SPOCK3: variants seen among roughly 807,000 people sequenced by gnomAD.
SPOCK3 encodes SPARC (osteonectin), cwcv and kazal like domains proteoglycan 3, also known as testican-3.
A neutral mutation model predicts 56.6 loss-of-function variants in SPOCK3; 30 were observed. The observed-to-expected ratio is 0.53, with a 90% CI of 0.40 to 0.72. The LOEUF (loss-of-function observed/expected upper bound fraction) is 0.72. Among genes scored for constraint, SPOCK3 ranks in the 30% least tolerant of loss-of-function variants. SPOCK3 has a pLI of 0.00. For synonymous variants in SPOCK3, 196 were observed against 183.3 expected (o/e 1.07, Z -0.56); for missense variants, 527 against 530.0 (o/e 0.99, Z 0.06).
At chr4:167,168,142 A>C (rs1402830342) in intron 2 of SPOCK3, among the ~76,000 whole-genome samples, 1 of 152,170 alleles carries the variant, frequency 6.6e-6, no homozygotes, top group Non-Finnish European at 1.5e-5. Context: ...TCTTTCCTTT[A>C]TAAATTACCC....
Position 167,106,803 on chromosome 4 carries a change from G to C in SPOCK3, c.190-44266C>G, listed in dbSNP as rs565442273. ...CAGAAGACCCAAGTAAATAAAATCA[G>C]AGATGAACAGGGAGCCATTACAATT... On this transcript the variant is annotated intron_variant, in intron 2 of 10. Transcript: ENST00000357545. Among the ~76,000 whole-genome samples the C allele has an allele frequency of 4.1e-5, 6 of 147,874 alleles. No individual in the cohort carries two copies. The South Asian group carries it at 8.5e-4, about 21-fold the overall frequency.
intron 4 of SPOCK3, among the ~76,000 whole-genome samples, chr4:166,977,579 T>C (rs1464780977): frequency 6.6e-6 from 1 of 152,162 alleles, no homozygotes. Flanking sequence ...GTTACTTTCA[T>C]AGTAATGTGT....
At chr4:167,072,480 A>T (rs1756774676) in intron 2 of SPOCK3, among the ~76,000 whole-genome samples, 2 of 151,938 alleles carry the variant, frequency 1.3e-5, no homozygotes, top group African/African-American at 4.8e-5. Context: ...CTTCACCCAC[A>T]AAAGAAGGCT....
intron 7 of SPOCK3, among the ~76,000 whole-genome samples, chr4:166,790,420 G>A (rs1433147800): frequency 1.3e-5 from 2 of 152,150 alleles, no homozygotes; most frequent in African/African-American, 4.8e-5. Context: ...GAGGGACCCA[G>A]CCATTTCTTG....
intron 2 of SPOCK3, among the ~76,000 whole-genome samples, chr4:167,120,897 A>G (rs1358168816): frequency 1.3e-5 from 2 of 151,968 alleles, no homozygotes; most frequent in Non-Finnish European, 2.9e-5. Flanking sequence ...CAATTCCAAC[A>G]TTGGGTAACA....
chr4:167,208,120 C>T (rs1734529130), intron 2 of SPOCK3, among the ~76,000 whole-genome samples: 1 of 151,992 alleles, frequency 6.6e-6, no homozygotes, highest in Non-Finnish European at 1.5e-5. Flanking sequence ...GCCAATGAAA[C>T]CTCTTCTATA....
chr4:167,046,818 G>C (rs1753777220), intron 3 of SPOCK3, among the ~76,000 whole-genome samples: 2 of 151,954 alleles, frequency 1.3e-5, no homozygotes, highest in African/African-American at 4.8e-5. Flanking sequence ...TACACAATGA[G>C]CATGAAATAA....
intron 2 of SPOCK3, among the ~76,000 whole-genome samples, chr4:167,123,939 G>T (rs1009955556): frequency 6.6e-6 from 1 of 151,752 alleles, no homozygotes; most frequent in African/African-American, 2.4e-5. Context: ...TACAGACAGG[G>T]TTTCACCATG....
chr4:167,222,742 TA>T (rs1170011252), intron 2 of SPOCK3, among the ~76,000 whole-genome samples: 4 of 129,960 alleles, frequency 3.1e-5, no homozygotes, highest in African/African-American at 1.2e-4. Flanking sequence ...TATAAATATA[TA>T]AACATAGATA....
At position 167,096,225 on chromosome 4, in the gene SPOCK3, G is replaced by A. The variant is rs535659967; in HGVS notation, c.190-33688C>T. ...TCAGTGCAATCAAAATCAAAATCCC[G>A]CAAACTATATTTTAATAAACTTTAT... On this transcript the variant is annotated intron_variant, in intron 2 of 10. Transcript: ENST00000357545. Among the ~76,000 whole-genome samples the A allele has an allele frequency of 1.7e-4, 26 of 151,806 alleles. No individual in the cohort carries two copies. The South Asian group carries it at 1.9e-3, about 11-fold the overall frequency.
intron 6 of SPOCK3, among the ~76,000 whole-genome samples, chr4:166,843,971 G>A (rs1357458294): frequency 6.6e-6 from 1 of 152,128 alleles, no homozygotes; most frequent in East Asian, 1.9e-4. Flanking sequence ...CCCAGATTAC[G>A]TTGCGCTAAT....
intron 5 of SPOCK3, among the ~76,000 whole-genome samples, chr4:166,904,293 A>C (rs1579598213): frequency 6.6e-6 from 1 of 152,010 alleles, no homozygotes; most frequent in Admixed American, 6.6e-5. Context: ...AAGTTAATGC[A>C]TATAAAAATT....
chr4:167,197,537 T>A (rs1733070870), intron 2 of SPOCK3, among the ~76,000 whole-genome samples: 1 of 151,286 alleles, frequency 6.6e-6, no homozygotes, highest in Non-Finnish European at 1.5e-5. Flanking sequence ...AATTTGTACA[T>A]AAATGCTCAA....
At chr4:167,151,413 A>C (rs1166242833) in intron 2 of SPOCK3, among the ~76,000 whole-genome samples, 5 of 147,658 alleles carry the variant, frequency 3.4e-5, no homozygotes, top group Non-Finnish European at 6.0e-5. Context: ...GTGTTTTCTC[A>C]CTTTCCACAT....
At chr4:166,855,974 A>T (rs866870007) in intron 6 of SPOCK3, among the ~76,000 whole-genome samples, 35 of 152,274 alleles carry the variant, frequency 2.3e-4, no homozygotes, top group African/African-American at 7.5e-4. Context: ...GAAAAGGTTA[A>T]ATGGATTAAT....
chr4:167,100,224 A>G (rs1759516779), intron 2 of SPOCK3, among the ~76,000 whole-genome samples: 1 of 152,170 alleles, frequency 6.6e-6, no homozygotes, highest in Admixed American at 6.6e-5. Flanking sequence ...GCCATGTAAC[A>G]TAGGCAGCTA....
chr4:166,797,592 A>G (rs1394213995), intron 6 of SPOCK3, among the ~76,000 whole-genome samples: 1 of 151,980 alleles, frequency 6.6e-6, no homozygotes, highest in Non-Finnish European at 1.5e-5. Flanking sequence ...AGAAATTTTA[A>G]ACTCTACTTT....
chr4:166,944,492 T>A lies in SPOCK3; in HGVS notation c.351-31749A>T, dbSNP rs191919171. ...TTTTTGTATATAGTTGACACTTTTT[T>A]TAATGACCCCTTTAGCCTGAAACAG... On this transcript the variant is annotated intron_variant, in intron 4 of 10. Transcript: ENST00000357545. Among the ~76,000 whole-genome samples, 3 of 152,318 alleles carry A rather than the reference T, an allele frequency of 2.0e-5. No homozygotes were observed. In the East Asian group the frequency reaches 5.8e-4, roughly 29 times the overall value.
At position 167,208,207 on chromosome 4, in the gene SPOCK3, GA is replaced by G. The variant is rs899044786; in HGVS notation, c.189+25777del. On this transcript the variant is annotated intron_variant, in intron 2 of 10. Transcript: ENST00000357545. Reference sequence around the variant, plus strand: ...TTGAATCACCATTGCCGAAAAGTGGGAAAAAAAAACTGGTCGGGGGCAATTT... The same window carrying G: ...TTGAATCACCATTGCCGAAAAGTGGGAAAAAAAACTGGTCGGGGGCAATTT... Among the ~76,000 whole-genome samples, 1,047 of 150,398 alleles carry G rather than the reference GA, an allele frequency of 7.0e-3. 14 individuals are homozygous for G. The highest frequency in any genetic ancestry group is 0.024 in the African/African-American group (988 of 41,076).
Sources: gnomAD v4.1 joint callset for allele counts (sites outside exome capture counted in the v4.1 genomes callset) on GRCh38, gnomAD v4.1.1 for gene constraint, MANE v1.5 for transcripts, NCBI Gene and HGNC (gene_info 2026-07-23, HGNC 2026-07-21) for gene names.